The following IKZF2 variants were observed in gnomAD, a reference collection of about 807,000 sequenced individuals.
The protein encoded by IKZF2 is IKAROS family zinc finger 2, also known as zinc finger protein Helios.
IKZF2 carries 15 observed loss-of-function variants against 49.2 expected under a neutral mutation model. The ratio of observed to expected loss-of-function variants is 0.30; its 90% CI spans 0.20 to 0.47. The LOEUF (loss-of-function observed/expected upper bound fraction) is 0.47. Ranked by LOEUF, IKZF2 falls within the 20% of genes least tolerant of loss-of-function variation. The pLI, the probability that IKZF2 is intolerant of heterozygous loss-of-function variation, is 1.00. For synonymous variants in IKZF2, 227 were observed against 221.4 expected, an observed-to-expected ratio of 1.03 and a Z score of -0.23; for missense variants, 567 against 664.6, an observed-to-expected ratio of 0.85 and a Z score of 1.61.
At chr2:213,143,417 T>C (rs1479014395) in intron 4 of IKZF2, among the ~76,000 whole-genome samples, 1 of 152,010 alleles carries the variant, frequency 6.6e-6, no homozygotes, top group Non-Finnish European at 1.5e-5. Context: ...AAGAAAAAGT[T>C]ACAGCACTTT....
chr2:213,126,845 G>A (rs1410636242), intron 4 of IKZF2, among the ~76,000 whole-genome samples: 3 of 152,032 alleles, frequency 2.0e-5, no homozygotes, highest in African/African-American at 7.2e-5. Context: ...CAGTGAATAG[G>A]AACTACACAT....
intron 3 of IKZF2, 104 bp from the exon 4 acceptor site, chr2:213,147,916 G>A (rs149704022): frequency 8.1e-6 from 6 of 743,978 alleles, no homozygotes; most frequent in East Asian, 7.3e-5. Flanking sequence ...CCTTCAAACT[G>A]TAAGGTAATA....
intron 4 of IKZF2, among the ~76,000 whole-genome samples, chr2:213,070,169 T>C (rs1423746444): frequency 1.3e-5 from 2 of 152,116 alleles, no homozygotes; most frequent in Non-Finnish European, 2.9e-5. Context: ...ACAAGAATTA[T>C]CAGTTTACAA....
At chr2:213,028,883 G>A (rs932638784) in intron 6 of IKZF2, among the ~76,000 whole-genome samples, 4 of 152,016 alleles carry the variant, frequency 2.6e-5, no homozygotes, top group Admixed American at 6.6e-5. Flanking sequence ...TGTGAAAGCT[G>A]AATTATGTCA....
intron 4 of IKZF2, among the ~76,000 whole-genome samples, chr2:213,123,282 G>T (rs376039230): frequency 6.6e-6 from 1 of 152,100 alleles, no homozygotes; most frequent in Non-Finnish European, 1.5e-5. Context: ...TCTCCCTATA[G>T]CCTTCTTCAC....
intron 5 of IKZF2, among the ~76,000 whole-genome samples, chr2:213,051,446 G>A (rs1232774186): frequency 2.0e-5 from 3 of 151,714 alleles, no homozygotes; most frequent in Non-Finnish European, 4.4e-5. Flanking sequence ...GATAATATTG[G>A]ATTGAAAAAA....
intron 5 of IKZF2, among the ~76,000 whole-genome samples, chr2:213,056,242 A>G (rs1014560839): frequency 2.2e-5 from 2 of 90,456 alleles, no homozygotes; most frequent in Admixed American, 2.0e-4. Context: ...CAACCTACAC[A>G]CCAGCCACTA....
At position 213,056,985 on chromosome 2, in the gene IKZF2, A is replaced by C; in HGVS notation, c.254T>G (p.Ile85Ser). ...DEGSSLEEPL[I>S]ESSEVADNRK... The stretch of plus-strand genomic sequence containing the variant: ...GTTGTCAGCCACCTCGCTGCTCTCA[A>C]TTAGGGGTTCTTCTAGGCTGCTACC... The change falls in exon 5 of 9, where the codon ATT becomes AGT. Residue 85 changes from isoleucine (I) to serine (S), a missense_variant. Coordinates refer to ENST00000434687, the MANE Select transcript of IKZF2 (RefSeq NM_001387220.1). 6.2e-7 allele frequency: 1 copy of C among 1,613,764 alleles called. No homozygotes were observed. The highest frequency in any genetic ancestry group is 8.5e-7 in the Non-Finnish European group (1 of 1,179,860).
At chr2:213,144,526 G>T (rs2060978143) in intron 4 of IKZF2, among the ~76,000 whole-genome samples, 1 of 151,794 alleles carries the variant, frequency 6.6e-6, no homozygotes, top group Admixed American at 6.6e-5. Flanking sequence ...CACAAAGTAA[G>T]TTTCATCTGA....
At chr2:213,123,256 T>A (rs1471443676) in intron 4 of IKZF2, among the ~76,000 whole-genome samples, 3 of 152,206 alleles carry the variant, frequency 2.0e-5, no homozygotes, top group African/African-American at 7.2e-5. Flanking sequence ...ACTTCCTTCA[T>A]GTGAGTTTTG....
chr2:213,064,059 G>C (rs1399670345), intron 4 of IKZF2, among the ~76,000 whole-genome samples: 3 of 151,924 alleles, frequency 2.0e-5, no homozygotes, highest in Non-Finnish European at 4.4e-5. Context: ...CTGTTGTCAA[G>C]GGTATGTCCA....
At chr2:213,105,857 T>C (rs1574862072) in intron 4 of IKZF2, among the ~76,000 whole-genome samples, 1 of 152,204 alleles carries the variant, frequency 6.6e-6, no homozygotes, top group South Asian at 2.1e-4. Flanking sequence ...CAGACTCTTC[T>C]GGAAAACTTT....
chr2:213,146,395 A>G (rs2061060722), intron 4 of IKZF2, among the ~76,000 whole-genome samples: 1 of 152,080 alleles, frequency 6.6e-6, no homozygotes, highest in Non-Finnish European at 1.5e-5. Context: ...TTTTCTTTCT[A>G]AATGATACGG....
rs1701241944 is a variant in IKZF2 at position 213,057,154 on chromosome 2, T to C, written c.140-55A>G. ...TAAATACATGTTATGTATTCTCACCTACATCTCTTTTCTACTCATTGTCAT... is the reference window on the plus strand; with the variant it reads ...TAAATACATGTTATGTATTCTCACCCACATCTCTTTTCTACTCATTGTCAT... On this transcript the variant is annotated intron_variant, in intron 4 of 8. Transcript: ENST00000434687. The C allele has an allele frequency of 5.5e-6, 8 of 1,453,516 alleles. No homozygotes were observed. The South Asian group carries it at 8.8e-5, about 16-fold the overall frequency. 90.0% of individuals were successfully genotyped at this position (1,453,516 alleles called of 1,614,324 possible). A position where few individuals can be genotyped will look rare whatever the true frequency, so the allele number is the denominator to read the frequency against.
chr2:213,003,909 A>T lies in IKZF2; in HGVS notation c.*3451T>A, dbSNP rs1695110167. ...TTAAATATCTTTGAATGTATATCCA[A>T]TCAGCTTAATCATTGTTTGTTTCAC... On this transcript the variant is annotated 3_prime_UTR_variant, in exon 9 of 9. Transcript: ENST00000434687. 6.6e-6 allele frequency: 1 copy of T among 151,782 alleles called. No individual in the cohort carries two copies. The highest frequency in any genetic ancestry group is 2.4e-5 in the African/African-American group (1 of 41,416). 9.4% of individuals were successfully genotyped at this position (151,782 alleles called of 1,614,324 possible).
intron 6 of IKZF2, among the ~76,000 whole-genome samples, chr2:213,047,752 C>T (rs973400734): frequency 6.6e-6 from 1 of 151,984 alleles, no homozygotes; most frequent in Admixed American, 6.6e-5. Context: ...ATGCTTGGAA[C>T]TCAGGGGATT....
intron 4 of IKZF2, among the ~76,000 whole-genome samples, chr2:213,137,041 A>C (rs1354290932): frequency 6.6e-6 from 1 of 152,198 alleles, no homozygotes; most frequent in East Asian, 1.9e-4. Flanking sequence ...AACTTTATGC[A>C]AACAGCATTA....
At chr2:213,019,286 C>A (rs1696943440) in intron 7 of IKZF2, among the ~76,000 whole-genome samples, 1 of 152,070 alleles carries the variant, frequency 6.6e-6, no homozygotes, top group African/African-American at 2.4e-5. Context: ...AAAATGACAG[C>A]AACTCTCATA....
At chr2:213,059,838 T>C (rs748733260) in intron 4 of IKZF2, among the ~76,000 whole-genome samples, 1 of 151,420 alleles carries the variant, frequency 6.6e-6, no homozygotes, top group Non-Finnish European at 1.5e-5. Context: ...TTTTTATCTA[T>C]AGAAGAATAT....
Sources: allele counts gnomAD v4.1 joint callset (sites outside exome capture counted in the v4.1 genomes callset), GRCh38; gene constraint gnomAD v4.1.1; transcripts MANE v1.5; gene names NCBI Gene and HGNC (gene_info 2026-07-23, HGNC 2026-07-21).